SLC16A7: variants seen among roughly 807,000 people sequenced by gnomAD.
The protein encoded by SLC16A7 is monocarboxylate transporter 2.
In SLC16A7, 33 loss-of-function variants were observed where a neutral mutation model predicts 34.9. The ratio of observed to expected loss-of-function variants is 0.94; its 90% CI spans 0.72 to 1.26. The LOEUF (loss-of-function observed/expected upper bound fraction) is 1.26. SLC16A7 is among the 50% of genes most tolerant of loss of function. SLC16A7 has a pLI of 0.00. For synonymous variants in SLC16A7, 201 were observed against 206.6 expected, an observed-to-expected ratio of 0.97 and a Z score of 0.23; for missense variants, 573 against 578.1, an observed-to-expected ratio of 0.99 and a Z score of 0.09.
Position 59,779,769 on chromosome 12 carries a change from A to C in SLC16A7, c.*90A>C, listed in dbSNP as rs950138563. On this transcript the variant is annotated 3_prime_UTR_variant, in exon 6 of 6. Transcript: ENST00000547379. Reference sequence around the variant, plus strand: ...TTTTTAAAGTATTAGAAAAGGTTTTAGCTGAAATGAGGAGTCACAATTAAG... The same window carrying C: ...TTTTTAAAGTATTAGAAAAGGTTTTCGCTGAAATGAGGAGTCACAATTAAG... The C allele has an allele frequency of 1.9e-6, 2 of 1,027,840 alleles. No homozygotes were observed. Among genetic ancestry groups the C allele is most frequent in the African/African-American group, 3.2e-5 (2 of 61,646 alleles). 63.7% of individuals were successfully genotyped at this position (1,027,840 alleles called of 1,614,324 possible).
At chr12:59,617,658 A>G (rs1036401590) in intron 1 of SLC16A7, among the ~76,000 whole-genome samples, 4 of 152,108 alleles carry the variant, frequency 2.6e-5, no homozygotes, top group Non-Finnish European at 5.9e-5. Context: ...TCAGAATTAT[A>G]TGGTTTATTA....
chr12:59,719,202 A>T (rs1297720110), intron 3 of SLC16A7, among the ~76,000 whole-genome samples: 14 of 152,186 alleles, frequency 9.2e-5, no homozygotes, highest in Admixed American at 9.2e-4. Flanking sequence ...CATCAAAAGC[A>T]CATATTTGTG....
chr12:59,599,882 A>G (rs1207612720), intron 1 of SLC16A7, among the ~76,000 whole-genome samples: 1 of 152,172 alleles, frequency 6.6e-6, no homozygotes, highest in Admixed American at 6.5e-5. Context: ...AAGGCATCCT[A>G]TCTCTCTTCC....
intron 2 of SLC16A7, among the ~76,000 whole-genome samples, chr12:59,693,947 A>G (rs1003779822): frequency 8.6e-5 from 13 of 151,950 alleles, no homozygotes; most frequent in Non-Finnish European, 2.9e-5. Context: ...CTGATCCTTT[A>G]TGCCCTCATC....
chr12:59,766,560 A>C (rs1239395152), intron 3 of SLC16A7, among the ~76,000 whole-genome samples: 1 of 152,282 alleles, frequency 6.6e-6, no homozygotes, highest in African/African-American at 2.4e-5. Flanking sequence ...AATTTTGTCA[A>C]AGGCCTTTTC....
intron 1 of SLC16A7, among the ~76,000 whole-genome samples, chr12:59,635,755 T>C (rs193154449): frequency 1.3e-5 from 2 of 152,150 alleles, no homozygotes; most frequent in Admixed American, 6.6e-5. Flanking sequence ...TGACTTGATT[T>C]ATCTGTCCAT....
Position 59,716,905 on chromosome 12 carries a change from T to A in SLC16A7, c.217+11887T>A, listed in dbSNP as rs1843761793. ...CTATAAATCAAAAGCATTTAAAGTA[T>A]CTTTTTGGTTCTATTAGGAAAAAAT... On this transcript the variant is annotated intron_variant, in intron 3 of 5. Coordinates refer to ENST00000547379, the MANE Select transcript of SLC16A7 (RefSeq NM_001270623.2). Among the ~76,000 whole-genome samples, 3 of 152,160 alleles carry A rather than the reference T, an allele frequency of 2.0e-5. No homozygotes were observed. In the South Asian group the frequency reaches 6.2e-4, roughly 31 times the overall value.
intron 3 of SLC16A7, among the ~76,000 whole-genome samples, chr12:59,741,473 G>A (rs569568243): frequency 2.0e-5 from 3 of 152,278 alleles, no homozygotes; most frequent in African/African-American, 7.2e-5. Flanking sequence ...AGGGTTTCTT[G>A]TAGATGCTCA....
At chr12:59,699,524 T>G (rs750592675) in intron 2 of SLC16A7, among the ~76,000 whole-genome samples, 1 of 151,704 alleles carries the variant, frequency 6.6e-6, no homozygotes, top group Non-Finnish European at 1.5e-5. Flanking sequence ...TCTTCTATAA[T>G]TCCTGTCCAG....
intron 2 of SLC16A7, among the ~76,000 whole-genome samples, chr12:59,665,809 C>CGTGTGT (rs34983187): frequency 0.011 from 1,540 of 143,050 alleles, 22 homozygotes; most frequent in African/African-American, 0.037. Context: ...ATATATAACA[C>CGTGTGT]GTGTGTGTGT....
At chr12:59,609,702 G>C (rs982696488) in intron 1 of SLC16A7, among the ~76,000 whole-genome samples, 6 of 151,966 alleles carry the variant, frequency 3.9e-5, no homozygotes, top group Non-Finnish European at 5.9e-5. Context: ...ATTTTATTAG[G>C]CCTCTTATTC....
chr12:59,688,475 C>A (rs1871324280), intron 2 of SLC16A7, among the ~76,000 whole-genome samples: 1 of 151,980 alleles, frequency 6.6e-6, no homozygotes, highest in Non-Finnish European at 1.5e-5. Context: ...ATTTTCATTG[C>A]CTGCCAAATG....
At position 59,607,486 on chromosome 12, in the gene SLC16A7, A is replaced by G. The variant is rs566136539; in HGVS notation, c.-130+11250A>G. ...ACTTGATGAAACATTTGAATCAACT[A>G]ATTAACTACTTAAAAGTTATATTTT... On this transcript the variant is annotated intron_variant, in intron 1 of 5. Transcript: ENST00000547379. 2.4e-4 allele frequency among the ~76,000 whole-genome samples: 37 copies of G among 152,326 alleles called. 1 individual carries two copies. Among genetic ancestry groups the G allele is most frequent in the Middle Eastern group, 6.8e-3 (2 of 294 alleles).
intron 3 of SLC16A7, among the ~76,000 whole-genome samples, chr12:59,706,850 A>C (rs1287729415): frequency 6.6e-6 from 1 of 152,048 alleles, no homozygotes; most frequent in Non-Finnish European, 1.5e-5. Context: ...CAGGTCTTAC[A>C]TAGTCATAAT....
chr12:59,772,417 G>T (rs149326783), intron 4 of SLC16A7, among the ~76,000 whole-genome samples: 2 of 152,130 alleles, frequency 1.3e-5, no homozygotes, highest in Non-Finnish European at 1.5e-5. Context: ...GTCGGGATGC[G>T]CCTACAAGTA....
intron 2 of SLC16A7, among the ~76,000 whole-genome samples, chr12:59,702,372 A>T (rs1422329016): frequency 6.6e-6 from 1 of 152,044 alleles, no homozygotes; most frequent in Non-Finnish European, 1.5e-5. Context: ...TAGATAGAAG[A>T]CAGAAAACGT....
intron 2 of SLC16A7, among the ~76,000 whole-genome samples, chr12:59,671,781 A>G (rs948085924): frequency 6.3e-5 from 9 of 142,956 alleles, no homozygotes; most frequent in Admixed American, 1.4e-4. Context: ...GTGTATATAT[A>G]TGTGTATATG....
At position 59,725,892 on chromosome 12, in the gene SLC16A7, G is replaced by A. The variant is rs560680926; in HGVS notation, c.217+20874G>A. Among the ~76,000 whole-genome samples, 126 of 152,180 alleles carry A rather than the reference G, an allele frequency of 8.3e-4. 1 individual carries two copies. The highest frequency in any genetic ancestry group is 1.3e-3 in the Non-Finnish European group (91 of 67,990). On this transcript the variant is annotated intron_variant, in intron 3 of 5. Coordinates refer to ENST00000547379, the MANE Select transcript of SLC16A7 (RefSeq NM_001270623.2). ...TATTATTGTAATTTAGTTTTTGAGT[G>A]TTGACAGTTTACTTGGCACTGTTTA... is the stretch of plus-strand genomic sequence containing the variant.
At chr12:59,766,496 A>G (rs1008092801) in intron 3 of SLC16A7, among the ~76,000 whole-genome samples, 6 of 152,256 alleles carry the variant, frequency 3.9e-5, no homozygotes, top group African/African-American at 1.4e-4. Context: ...TTATTTTGAG[A>G]TATGTCCCAT....
Sources: gnomAD v4.1 joint callset for allele counts (sites outside exome capture counted in the v4.1 genomes callset) on GRCh38, gnomAD v4.1.1 for gene constraint, MANE v1.5 for transcripts, NCBI Gene and HGNC (gene_info 2026-07-23, HGNC 2026-07-21) for gene names.